CACNB2: variants seen among roughly 807,000 people sequenced by gnomAD.
CACNB2 encodes the protein voltage-dependent L-type calcium channel subunit beta-2.
In CACNB2, 42 loss-of-function variants were observed where a neutral mutation model predicts 73.3. The ratio of observed to expected loss-of-function variants is 0.57; its 90% CI spans 0.45 to 0.74. The LOEUF (loss-of-function observed/expected upper bound fraction) is 0.74, where lower values mean the gene tolerates loss of function less well. Ranked by LOEUF, CACNB2 falls within the 30% of genes least tolerant of loss-of-function variation. The probability of loss-of-function intolerance (pLI) is 0.00; values close to 1 mark genes in which losing one functional copy is unlikely to be tolerated. For synonymous variants in CACNB2, 348 were observed against 310.3 expected, an observed-to-expected ratio of 1.12 and a Z score of -1.28; for missense variants, 940 against 853.0, an observed-to-expected ratio of 1.10 and a Z score of -1.27.
In CACNB2 at chr10:18,541,905, A is replaced by G. The variant is rs1343678438; in HGVS notation, c.*2181A>G. On this transcript the variant is annotated 3_prime_UTR_variant, in exon 14 of 14. Transcript: ENST00000324631. The stretch of plus-strand genomic sequence containing the variant: ...AAAAAACAAAAAAAACTATCCAGCA[A>G]AATTATAAAATCTACTTTGTTTTGC... 1.3e-5 allele frequency: 2 copies of G among 152,098 alleles called. No individual in the cohort carries two copies. The highest frequency in any genetic ancestry group is 2.4e-5 in the African/African-American group (1 of 41,400). 9.4% of individuals were successfully genotyped at this position (152,098 alleles called of 1,614,324 possible). A position where few individuals can be genotyped will look rare whatever the true frequency, so the allele number is the denominator to read the frequency against.
At chr10:18,365,127 T>C (rs555857286) in intron 2 of CACNB2, among the ~76,000 whole-genome samples, 2 of 152,326 alleles carry the variant, frequency 1.3e-5, no homozygotes, top group South Asian at 4.2e-4. Context: ...ACTGAGTTGA[T>C]AGTTAAGACC....
At chr10:18,308,472 C>T (rs1484193341) in intron 2 of CACNB2, among the ~76,000 whole-genome samples, 2 of 152,216 alleles carry the variant, frequency 1.3e-5, no homozygotes, top group Non-Finnish European at 1.5e-5. Context: ...GCCCTCCGCT[C>T]TCCAGGGGAC....
At chr10:18,512,334 C>T (rs909925575) in intron 6 of CACNB2, among the ~76,000 whole-genome samples, 2 of 152,124 alleles carry the variant, frequency 1.3e-5, no homozygotes, top group African/African-American at 4.8e-5. Flanking sequence ...TCTTGGGACC[C>T]AGTGTTTTCC....
intron 3 of CACNB2, among the ~76,000 whole-genome samples, chr10:18,492,019 C>T (rs983520587): frequency 6.6e-6 from 1 of 152,026 alleles, no homozygotes. Flanking sequence ...ATGGTGTTGG[C>T]ATCTGGCTTC....
intron 2 of CACNB2, among the ~76,000 whole-genome samples, chr10:18,234,459 A>T (rs889964596): frequency 2.0e-5 from 3 of 152,226 alleles, no homozygotes; most frequent in African/African-American, 7.2e-5. Flanking sequence ...TAGCAGCATT[A>T]TTCACAATAG....
intron 2 of CACNB2, among the ~76,000 whole-genome samples, chr10:18,275,577 G>A (rs2038248498): frequency 6.6e-6 from 1 of 152,132 alleles, no homozygotes; most frequent in South Asian, 2.1e-4. Flanking sequence ...TAATGAACCT[G>A]CACATCCTGC....
chr10:18,496,814 C>CAAAAAAA (rs905870687), intron 3 of CACNB2, among the ~76,000 whole-genome samples: 3 of 45,188 alleles, frequency 6.6e-5, no homozygotes, highest in African/African-American at 2.3e-4. Flanking sequence ...AACTCCGCCT[C>CAAAAAAA]AAAAAAAAAA....
intron 9 of CACNB2, among the ~76,000 whole-genome samples, chr10:18,519,240 A>G (rs1476080602): frequency 6.6e-6 from 1 of 152,164 alleles, no homozygotes; most frequent in Non-Finnish European, 1.5e-5. Flanking sequence ...TTCATGGTCA[A>G]CTGGCCCTCT....
intron 3 of CACNB2, among the ~76,000 whole-genome samples, chr10:18,475,502 A>G (rs1215292873): frequency 1.3e-5 from 2 of 152,196 alleles, no homozygotes; most frequent in Non-Finnish European, 2.9e-5. Context: ...ACAGGTGTGC[A>G]GATCAGATAA....
chr10:18,403,341 G>A (rs991013191), intron 3 of CACNB2, among the ~76,000 whole-genome samples: 3 of 152,218 alleles, frequency 2.0e-5, no homozygotes, highest in African/African-American at 7.2e-5. Context: ...ATGACAGTCT[G>A]CATTGTAGTT....
At chr10:18,496,183 C>T (rs1172138284) in intron 3 of CACNB2, among the ~76,000 whole-genome samples, 3 of 41,940 alleles carry the variant, frequency 7.2e-5, no homozygotes, top group Non-Finnish European at 1.2e-4. Flanking sequence ...GAGACTCAGT[C>T]TCAAAAAAAA....
At chr10:18,507,636 C>CAA (rs142050375) in intron 6 of CACNB2, among the ~76,000 whole-genome samples, 434 of 151,382 alleles carry the variant, frequency 2.9e-3, no homozygotes, top group African/African-American at 9.9e-3. Context: ...ATTTGAATTG[C>CAA]AAAAAAAAGC....
At chr10:18,421,113 G>A (rs2045296262) in intron 3 of CACNB2, among the ~76,000 whole-genome samples, 1 of 151,942 alleles carries the variant, frequency 6.6e-6, no homozygotes. Flanking sequence ...CTTAGTAAAG[G>A]TCCATTAGCC....
intron 2 of CACNB2, among the ~76,000 whole-genome samples, chr10:18,310,053 G>T (rs952156009): frequency 6.6e-6 from 1 of 152,110 alleles, no homozygotes; most frequent in Non-Finnish European, 1.5e-5. Context: ...TTTCTAAGCT[G>T]TGTGTAAATA....
intron 2 of CACNB2, among the ~76,000 whole-genome samples, chr10:18,398,692 T>C (rs201955858): frequency 1.3e-3 from 72 of 57,114 alleles, no homozygotes; most frequent in Admixed American, 3.9e-3. Context: ...CACACACACA[T>C]ACACACACAC....
intron 2 of CACNB2, among the ~76,000 whole-genome samples, chr10:18,219,875 T>C (rs2035661301): frequency 6.6e-6 from 1 of 150,868 alleles, no homozygotes; most frequent in Non-Finnish European, 1.5e-5. Flanking sequence ...GTTGAAGCAG[T>C]TCTCCGCCTC....
At chr10:18,473,727 A>G (rs905048911) in intron 3 of CACNB2, among the ~76,000 whole-genome samples, 1 of 152,226 alleles carries the variant, frequency 6.6e-6, no homozygotes, top group Non-Finnish European at 1.5e-5. Context: ...GTGAAGAAGG[A>G]GATTGACTTT....
intron 2 of CACNB2, among the ~76,000 whole-genome samples, chr10:18,267,097 T>C (rs1318039051): frequency 6.6e-6 from 1 of 152,150 alleles, no homozygotes; most frequent in African/African-American, 2.4e-5. Context: ...AGATGTCCTT[T>C]AAGGGTGATA....
At chr10:18,420,555 C>T (rs984446091) in intron 3 of CACNB2, among the ~76,000 whole-genome samples, 17 of 152,140 alleles carry the variant, frequency 1.1e-4, no homozygotes, top group South Asian at 2.1e-4. Flanking sequence ...CCTTCTTCTA[C>T]CTTGTATTCT....
Sources: gnomAD v4.1 joint callset for allele counts (sites outside exome capture counted in the v4.1 genomes callset) on GRCh38, gnomAD v4.1.1 for gene constraint, MANE v1.5 for transcripts, NCBI Gene and HGNC (gene_info 2026-07-23, HGNC 2026-07-21) for gene names.